The following HDAC4 variants were observed in gnomAD, a reference collection of about 807,000 sequenced individuals.
HDAC4 encodes the protein histone deacetylase A.
In HDAC4, 16 loss-of-function variants were observed where a neutral mutation model predicts 135.1. That is an observed-to-expected ratio of 0.12 (90% CI 0.08 to 0.18). The LOEUF is 0.18. Among genes scored for constraint, HDAC4 ranks in the 10% least tolerant of loss-of-function variants. The pLI is 1.00. For synonymous variants in HDAC4, 685 were observed against 653.4 expected (o/e 1.05, Z -0.74); for missense variants, 1,143 against 1,511.8 (o/e 0.76, Z 4.05).
rs1207104529 is a variant in HDAC4, at chr2:239,056,660, AG to A, written c.3004-1828del. On this transcript the variant is annotated intron_variant, in intron 24 of 26. Transcript: ENST00000543185. Reference sequence around the variant, plus strand: ...AATGCACGTATCTACTCCCCTCTCCAGGAGGTGGGGCTTAAGGCCTCTCCAA... The same window carrying A: ...AATGCACGTATCTACTCCCCTCTCCAGAGGTGGGGCTTAAGGCCTCTCCAA... 2.0e-5 allele frequency among the ~76,000 whole-genome samples: 3 copies of A among 152,360 alleles called. No homozygotes were observed. The East Asian group carries it at 5.8e-4, about 29-fold the overall frequency.
chr2:239,278,506 T>C (rs778151015), intron 2 of HDAC4, among the ~76,000 whole-genome samples: 3 of 151,996 alleles, frequency 2.0e-5, no homozygotes, highest in Non-Finnish European at 4.4e-5. Flanking sequence ...CAAGACACCA[T>C]CTCTACTAAA....
chr2:239,293,210 T>A (rs1302445973), intron 2 of HDAC4, among the ~76,000 whole-genome samples: 4 of 152,136 alleles, frequency 2.6e-5, no homozygotes, highest in Non-Finnish European at 5.9e-5. Flanking sequence ...TTCCCTGAAA[T>A]AATAAACTGG....
intron 14 of HDAC4, among the ~76,000 whole-genome samples, chr2:239,108,842 T>G (rs1311457659): frequency 3.3e-5 from 5 of 152,230 alleles, no homozygotes; most frequent in Non-Finnish European, 5.9e-5. Context: ...GAGCTCAGCA[T>G]GGACGGGCCC....
chr2:239,253,116 T>C (rs944312885), intron 2 of HDAC4, among the ~76,000 whole-genome samples: 2 of 152,228 alleles, frequency 1.3e-5, no homozygotes, highest in Non-Finnish European at 2.9e-5. Flanking sequence ...CCTAAGATAT[T>C]AGAGTCTCGG....
intron 2 of HDAC4, among the ~76,000 whole-genome samples, chr2:239,272,711 G>A (rs575164019): frequency 1.3e-5 from 2 of 152,274 alleles, no homozygotes; most frequent in African/African-American, 4.8e-5. Flanking sequence ...CCAACCATCT[G>A]CACTCACCCC....
At position 239,252,546 on chromosome 2, in the gene HDAC4, C is replaced by T. The variant is rs150991529; in HGVS notation, c.23-15882G>A. On this transcript the variant is annotated intron_variant, in intron 2 of 26. Coordinates refer to ENST00000543185, the MANE Select transcript of HDAC4 (RefSeq NM_001378414.1). ...AGTTAAAGAGAAAAATCAAAAGGCA[C>T]GAGGGAAAGAGCAGAACAAAAAGGA... Among the ~76,000 whole-genome samples, 8 of 152,248 alleles carry T rather than the reference C, an allele frequency of 5.3e-5. No individual in the cohort carries two copies. In the South Asian group the frequency reaches 8.3e-4, roughly 16 times the overall value.
chr2:239,374,120 C>T (rs534336428), intron 1 of HDAC4, among the ~76,000 whole-genome samples: 2 of 152,266 alleles, frequency 1.3e-5, no homozygotes, highest in Non-Finnish European at 2.9e-5. Context: ...AGAACAGGCA[C>T]CAACGGATGC....
intron 9 of HDAC4, among the ~76,000 whole-genome samples, chr2:239,135,978 A>G (rs369313360): frequency 2.0e-5 from 3 of 152,354 alleles, no homozygotes; most frequent in East Asian, 3.9e-4. Flanking sequence ...AACAGTCTCC[A>G]AGGACTTGAA....
chr2:239,270,770 T>C (rs934615814), intron 2 of HDAC4, among the ~76,000 whole-genome samples: 2 of 152,206 alleles, frequency 1.3e-5, no homozygotes, highest in Non-Finnish European at 2.9e-5. Context: ...ATACGACAGA[T>C]GTGAGCGTTA....
intron 3 of HDAC4, among the ~76,000 whole-genome samples, chr2:239,208,326 CAAAAAAAAAAA>C (rs759398313): frequency 1.5e-4 from 10 of 68,210 alleles, no homozygotes; most frequent in Admixed American, 1.2e-3. Flanking sequence ...GACTCCGTCC[CAAAAAAAAAAA>C]AAAAAAAAAA....
rs966859026 is a variant in HDAC4 at position 239,055,204 on chromosome 2, A to G, written c.3004-371T>C. 8 of 300,704 alleles carry G rather than the reference A, an allele frequency of 2.7e-5. 1 individual carries two copies. Among genetic ancestry groups the G allele is most frequent in the Non-Finnish European group, 5.2e-5 (8 of 153,650 alleles). The allele number at this position is 300,704 out of a possible 1,614,324, so 18.6% of individuals were successfully genotyped here. On this transcript the variant is annotated intron_variant, in intron 24 of 26. Transcript: ENST00000543185. The stretch of plus-strand genomic sequence containing the variant: ...CTTTTCTTTCCTTTGTCTTTTATTA[A>G]TAAGTAAGAATGTCTGAATATCCCC...
chr2:239,217,577 C>T (rs887830487), intron 3 of HDAC4, among the ~76,000 whole-genome samples: 2 of 152,102 alleles, frequency 1.3e-5, no homozygotes, highest in Non-Finnish European at 2.9e-5. Context: ...TCTGTGCCGA[C>T]GGGCTACTCT....
chr2:239,170,185 T>C (rs1371329262), intron 5 of HDAC4, among the ~76,000 whole-genome samples: 1 of 152,228 alleles, frequency 6.6e-6, no homozygotes, highest in East Asian at 1.9e-4. Context: ...GCATTAGCTA[T>C]GTACTCTTAG....
intron 2 of HDAC4, among the ~76,000 whole-genome samples, chr2:239,247,523 C>T (rs914702485): frequency 2.0e-5 from 3 of 152,204 alleles, no homozygotes; most frequent in Non-Finnish European, 4.4e-5. Flanking sequence ...AGCCGGGGCC[C>T]GTGCCCTCCA....
At chr2:239,328,770 T>C (rs1575701214) in intron 2 of HDAC4, among the ~76,000 whole-genome samples, 1 of 152,122 alleles carries the variant, frequency 6.6e-6, no homozygotes, top group East Asian at 1.9e-4. Flanking sequence ...CCGCTGGCCC[T>C]CTTTATCTCC....
At position 239,093,721 on chromosome 2, in the gene HDAC4, A is replaced by G. The variant is rs144898134; in HGVS notation, c.2280+1289T>C. On this transcript the variant is annotated intron_variant, in intron 17 of 26. Coordinates refer to ENST00000543185, the MANE Select transcript of HDAC4 (RefSeq NM_001378414.1). ...CTGCTGTGCCTCAGATCTGGATTTAACACTTGGGAGGGGCTGCTGGGCTCA... is the reference window on the plus strand; with the variant it reads ...CTGCTGTGCCTCAGATCTGGATTTAGCACTTGGGAGGGGCTGCTGGGCTCA... Among the ~76,000 whole-genome samples, 350 of 152,234 alleles carry G rather than the reference A, an allele frequency of 2.3e-3. 6 individuals are homozygous for G. The highest frequency in any genetic ancestry group is 0.02 in the Admixed American group (312 of 15,294).
chr2:239,164,628 ACACAGTACTTCTAT>A (rs1217421769), intron 5 of HDAC4, among the ~76,000 whole-genome samples: 1 of 152,262 alleles, frequency 6.6e-6, no homozygotes, highest in African/African-American at 2.4e-5. Context: ...CAATCTAACC[ACACAGTACTTCTAT>A]CCTTCTTACA....
rs531262122 is a variant in HDAC4, at chr2:239,376,970, C to T, written c.-220+24008G>A. ...TTATTGGAAGGGGAGCTATTCCACG[C>T]CCGTCCCTCCTGGACATAGACCACT... On this transcript the variant is annotated intron_variant, in intron 1 of 26. Transcript: ENST00000543185. 6.0e-5 allele frequency among the ~76,000 whole-genome samples: 9 copies of T among 151,062 alleles called. No individual in the cohort carries two copies. The East Asian group carries it at 1.4e-3, about 23-fold the overall frequency.
At chr2:239,323,072 A>G (rs1354143836) in intron 2 of HDAC4, among the ~76,000 whole-genome samples, 1 of 152,214 alleles carries the variant, frequency 6.6e-6, no homozygotes, top group Non-Finnish European at 1.5e-5. Context: ...CAATCATGAT[A>G]AGAACAACCA....
Sources: allele counts gnomAD v4.1 joint callset (sites outside exome capture counted in the v4.1 genomes callset), GRCh38; gene constraint gnomAD v4.1.1; transcripts MANE v1.5; gene names NCBI Gene and HGNC (gene_info 2026-07-23, HGNC 2026-07-21).